Variants in MICALL2 observed in about 807,000 individuals in gnomAD.
MICALL2 encodes MICAL-like protein 2.
MICALL2 carries 111 observed loss-of-function variants against 91.1 expected under a neutral mutation model. The ratio of observed to expected loss-of-function variants is 1.22; its 90% confidence interval spans 1.04 to 1.43. MICALL2 has a LOEUF of 1.43. MICALL2 is among the 40% of genes most tolerant of loss of function. The pLI is 0.00. For missense variants in MICALL2, 1,556 were observed against 1,236.0 expected (o/e 1.26, Z -3.88); for synonymous variants, 694 against 525.3 (o/e 1.32, Z -4.39).
chr7:1,437,734 T>C, intron 13 of MICALL2, 126 bp from the exon 14 acceptor site: 1 of 1,251,882 alleles, frequency 8.0e-7, no homozygotes, highest in Non-Finnish European at 1.1e-6. Flanking sequence ...TCGCCGCCCG[T>C]CCCCCGCCTG....
At chr7:1,437,181 G>C (rs1358258962) in intron 14 of MICALL2, 4 of 484,192 alleles carry the variant, frequency 8.3e-6, no homozygotes, top group South Asian at 3.1e-5. Context: ...TGTGCCCTCA[G>C]CCAGGGCACC....
At chr7:1,435,551 A>G (rs1779927794) in intron 15 of MICALL2, among the ~76,000 whole-genome samples, 2 of 152,270 alleles carry the variant, frequency 1.3e-5, no homozygotes, top group South Asian at 4.1e-4. Context: ...GGCCGACCAC[A>G]CCAGTGACCT....
chr7:1,442,137 A>G, intron 7 of MICALL2, 55 bp downstream of exon 7: 1 of 1,580,000 alleles, frequency 6.3e-7, no homozygotes, highest in Non-Finnish European at 8.6e-7. Flanking sequence ...CGGCCAGGGG[A>G]GAGTCCCAGA....
chr7:1,434,913 G>T, intron 16 of MICALL2, 188 bp downstream of exon 16: 1 of 737,024 alleles, frequency 1.4e-6, no homozygotes, highest in Non-Finnish European at 2.2e-6. Context: ...TCTTAGGGGC[G>T]GGAGGGAGCT....
intron 16 of MICALL2, 121 bp downstream of exon 16, chr7:1,434,980 T>TGGCCCC: frequency 9.5e-6 from 6 of 628,926 alleles, no homozygotes; most frequent in Non-Finnish European, 1.1e-5. Flanking sequence ...GGGGACCCGA[T>TGGCCCC]ACCCGCCCCC....
At position 1,434,624 on chromosome 7, in the gene MICALL2, G is replaced by C; in HGVS notation, c.2687C>G (p.Pro896Arg). The C allele has an allele frequency of 6.3e-7, 1 of 1,588,728 alleles. No homozygotes were observed. The highest frequency in any genetic ancestry group is 8.5e-7 in the Non-Finnish European group (1 of 1,171,512). Residue 896 changes from proline to arginine, a missense_variant, in exon 17 of 17, where the codon CCA becomes CGA. By Grantham distance (103) the Pro-to-Arg change is moderately radical (BLOSUM62 -2). Transcript: ENST00000297508. Reference sequence around the variant, plus strand: ...CTGGGAGGGGCTGCTTTTGCTTTTTGGTGACCAGATCTTGGACAAGCGGAA... The same window carrying C: ...CTGGGAGGGGCTGCTTTTGCTTTTTCGTGACCAGATCTTGGACAAGCGGAA... ...SKFRLSKIWS[P>R]KSKSSPSQ
chr7:1,449,794 C>T (rs1780754552), intron 2 of MICALL2, among the ~76,000 whole-genome samples: 1 of 152,208 alleles, frequency 6.6e-6, no homozygotes. Context: ...CAGGGAAGGG[C>T]CTGGAAGCTG....
rs1295216911 is a variant in MICALL2, at chr7:1,438,339, G to A, written c.2137C>T (p.Pro713Ser). The part of the protein sequence containing the change: ...LQGKPGRPLS[P>S]ANVPALPGET... Reference sequence around the variant, plus strand: ...CCAGGCAGAGCAGGGACATTGGCCGGGGACAAGGGTCTCCCTGGAGAAGGA... The same window carrying A: ...CCAGGCAGAGCAGGGACATTGGCCGAGGACAAGGGTCTCCCTGGAGAAGGA... Residue 713 changes from proline to serine, a missense_variant, in exon 11 of 17, where the codon CCG becomes TCG. By Grantham distance (74) the Pro-to-Ser change is moderately conservative. Coordinates refer to ENST00000297508, the MANE Select transcript of MICALL2 (RefSeq NM_182924.4). 6 of 1,603,724 alleles carry A rather than the reference G, an allele frequency of 3.7e-6. No individual in the cohort carries two copies. Among genetic ancestry groups the A allele is most frequent in the African/African-American group, 1.3e-5 (1 of 74,744 alleles).
chr7:1,439,932 G>T lies in MICALL2; in HGVS notation c.1959C>A (p.Ser653Arg). The change falls in exon 9 of 17, where the codon AGC becomes AGA. Residue 653 changes from serine (S) to arginine (R), a missense_variant. Physicochemically the swap from Ser to Arg is moderately radical, Grantham distance 110 (BLOSUM62 -1). Transcript: ENST00000297508. The stretch of plus-strand genomic sequence containing the variant: ...GGTCCCGTCCAGGAGTACCTGGGAG[G>T]CTGGGTCCTGGGCTGGCTGGGCGTG... Reference protein sequence around the residue: ...RTPRPASPGPSLPARSPSPPR... With the variant: ...RTPRPASPGPRLPARSPSPPR... 6.8e-7 allele frequency: 1 copy of T among 1,469,128 alleles called. No individual in the cohort carries two copies. The allele number at this position is 1,469,128 out of a possible 1,614,324, so 91.0% of individuals were successfully genotyped here.
At position 1,445,227 on chromosome 7, in the gene MICALL2, C is replaced by T; in HGVS notation, c.843G>A (p.Lys281=). The T allele has an allele frequency of 1.2e-6, 2 of 1,611,022 alleles. No individual in the cohort carries two copies. Among genetic ancestry groups the T allele is most frequent in the South Asian group, 2.2e-5 (2 of 90,754 alleles). Residue 281 remains lysine (K), a synonymous_variant, in exon 6 of 17, where the codon AAG becomes AAA. Transcript: ENST00000297508. Reference sequence around the variant, plus strand: ...CAGGCTCCCAGGCCGACGGTCTGGCCTTGTTTGCCTCCTGGGCCTTCTGTG... The same window carrying T: ...CAGGCTCCCAGGCCGACGGTCTGGCTTTGTTTGCCTCCTGGGCCTTCTGTG... ...CSPQKAQEAN[K]ARPSAWEPAA... is the part of the protein sequence containing the mutation.
At chr7:1,457,108 CCT>C (rs1781045481) in intron 1 of MICALL2, among the ~76,000 whole-genome samples, 1 of 152,172 alleles carries the variant, frequency 6.6e-6, no homozygotes, top group African/African-American at 2.4e-5. Flanking sequence ...TGTGGCTGCA[CCT>C]CTCTGATCTC....
At chr7:1,443,150 C>T (rs930578626) in intron 6 of MICALL2, among the ~76,000 whole-genome samples, 2 of 148,954 alleles carry the variant, frequency 1.3e-5, no homozygotes, top group Non-Finnish European at 3.0e-5. Context: ...TGTGCCAGGC[C>T]AGCTTCCCCA....
In MICALL2 at chr7:1,439,977, G is replaced by A. The variant is rs76110611; in HGVS notation, c.1914C>T (p.Pro638=). ...GGCGTGGGGTCCTGTCAGGCCTCACGGGGGTCAGGGTGATGTGGACACTCC... is the reference window on the plus strand; with the variant it reads ...GGCGTGGGGTCCTGTCAGGCCTCACAGGGGTCAGGGTGATGTGGACACTCC... ...FAGSVHITLT[P]VRPDRTPRPA... is the part of the protein sequence containing the mutation. Residue 638 remains proline (P), a synonymous_variant, in exon 9 of 17, where the codon CCC becomes CCT. Transcript: ENST00000297508. 3,684 of 1,522,666 alleles carry A rather than the reference G, an allele frequency of 2.4e-3. 77 individuals are homozygous for A. In the African/African-American group the frequency reaches 0.047, roughly 20 times the overall value. 94.3% of individuals were successfully genotyped at this position (1,522,666 alleles called of 1,614,324 possible). A position where few individuals can be genotyped will look rare whatever the true frequency, so the allele number is the denominator to read the frequency against.
chr7:1,440,149 G>A lies in MICALL2; in HGVS notation c.1806-64C>T, dbSNP rs377091059. The A allele has an allele frequency of 1.2e-4, 185 of 1,547,250 alleles. 1 individual carries two copies. The South Asian group carries it at 2.1e-3, about 18-fold the overall frequency. On this transcript the variant is annotated intron_variant, in intron 8 of 16. Transcript: ENST00000297508. Reference sequence around the variant, plus strand: ...CCCCAGGGCCTGGCCCACCTGGAGGGGCTCCCAGGCCATATGCAGACCAGC... The same window carrying A: ...CCCCAGGGCCTGGCCCACCTGGAGGAGCTCCCAGGCCATATGCAGACCAGC...
Position 1,438,858 on chromosome 7 carries a change from G to T in MICALL2, c.2104C>A (p.His702Asn). 6.2e-7 allele frequency: 1 copy of T among 1,607,696 alleles called. No individual in the cohort carries two copies. Residue 702 changes from histidine (H) to asparagine (N), a missense_variant, in exon 10 of 17, where the codon CAC becomes AAC. Coordinates refer to ENST00000297508, the MANE Select transcript of MICALL2 (RefSeq NM_182924.4). The part of the protein sequence containing the change: ...QSWKEEEKKP[H>N]LQGKPGRPLS... ...GGCTGACCTGGTTTGCCCTGAAGGT[G>T]AGGTTTCTTCTCCTCCTCCTTCCAG...
At chr7:1,446,676 G>T (rs538101927) in intron 5 of MICALL2, 37 bp downstream of exon 5, 4 of 1,457,276 alleles carry the variant, frequency 2.7e-6, no homozygotes, top group South Asian at 2.4e-5. Context: ...GGGAGGGGAG[G>T]TGCACACTCA....
At chr7:1,458,237 C>T (rs1781089884) in intron 1 of MICALL2, among the ~76,000 whole-genome samples, 1 of 152,222 alleles carries the variant, frequency 6.6e-6, no homozygotes, top group African/African-American at 2.4e-5. Flanking sequence ...GCAAGGACCC[C>T]TCCTCTTAGC....
Position 1,458,855 on chromosome 7 carries a change from A to C in MICALL2, c.143+329T>G, listed in dbSNP as rs1428704768. On this transcript the variant is annotated intron_variant, in intron 1 of 16. Coordinates refer to ENST00000297508, the MANE Select transcript of MICALL2 (RefSeq NM_182924.4). ...GGTGGCCAGGCCCCTGGGCAGTGAGAGCCTCGGAGGGCCCAAAGAGGCAGC... is the reference window on the plus strand; with the variant it reads ...GGTGGCCAGGCCCCTGGGCAGTGAGCGCCTCGGAGGGCCCAAAGAGGCAGC... Among the ~76,000 whole-genome samples, 5 of 152,238 alleles carry C rather than the reference A, an allele frequency of 3.3e-5. 1 individual carries two copies. Among genetic ancestry groups the C allele is most frequent in the Admixed American group, 3.3e-4 (5 of 15,290 alleles).
At chr7:1,455,829 C>A (rs1780994779) in intron 1 of MICALL2, among the ~76,000 whole-genome samples, 1 of 151,990 alleles carries the variant, frequency 6.6e-6, no homozygotes, top group Non-Finnish European at 1.5e-5. Context: ...GACAGGGAGA[C>A]AGGACGTCCA....
Sources: gnomAD v4.1 joint callset for allele counts (sites outside exome capture counted in the v4.1 genomes callset) on GRCh38, gnomAD v4.1.1 for gene constraint, MANE v1.5 for transcripts, NCBI Gene and HGNC (gene_info 2026-07-23, HGNC 2026-07-21) for gene names.